The following ADAM18 variants were observed in gnomAD, a reference collection of about 807,000 sequenced individuals.
The protein encoded by ADAM18 is ADAM metallopeptidase domain 18.
In ADAM18, 117 loss-of-function variants were observed where a neutral mutation model predicts 94.4. The observed-to-expected ratio is 1.24, with a 90% confidence interval of 1.07 to 1.45. The LOEUF (loss-of-function observed/expected upper bound fraction) is 1.45. Among genes scored for constraint, ADAM18 ranks in the 40% most tolerant of loss-of-function variants. The pLI is 0.00. For synonymous variants in ADAM18, 327 were observed against 291.6 expected (o/e 1.12, Z -1.24); for missense variants, 936 against 880.0 (o/e 1.06, Z -0.81).
At chr8:39,638,435 C>T in intron 9 of ADAM18, 30 bp from the exon 10 acceptor site, 2 of 1,426,694 alleles carry the variant, frequency 1.4e-6, no homozygotes, top group South Asian at 1.4e-5. Context: ...TTTTGCATAA[C>T]TACGTTAATA....
chr8:39,711,119 A>G (rs1461435098), intron 18 of ADAM18, among the ~76,000 whole-genome samples: 1 of 152,188 alleles, frequency 6.6e-6, no homozygotes, highest in Non-Finnish European at 1.5e-5. Flanking sequence ...CTGTTTTCCA[A>G]AAAGTCACTG....
At chr8:39,622,103 A>G (rs751889071) in intron 6 of ADAM18, among the ~76,000 whole-genome samples, 1 of 152,134 alleles carries the variant, frequency 6.6e-6, no homozygotes, top group Non-Finnish European at 1.5e-5. Flanking sequence ...GGAGATTTTT[A>G]AAAAGTGTAT....
chr8:39,597,743 ATTGTG>A (rs1398834321), intron 2 of ADAM18, among the ~76,000 whole-genome samples: 1 of 151,988 alleles, frequency 6.6e-6, no homozygotes, highest in Non-Finnish European at 1.5e-5. Flanking sequence ...CTCTTTTAGT[ATTGTG>A]TTGTGTTGCC....
At chr8:39,594,447 T>C (rs1357462390) in intron 2 of ADAM18, among the ~76,000 whole-genome samples, 1 of 152,170 alleles carries the variant, frequency 6.6e-6, no homozygotes, top group Non-Finnish European at 1.5e-5. Flanking sequence ...CTTCCTCTTT[T>C]ATTTTTCCTT....
chr8:39,660,195 T>C (rs1443944878), intron 12 of ADAM18, among the ~76,000 whole-genome samples: 4 of 151,928 alleles, frequency 2.6e-5, no homozygotes, highest in Non-Finnish European at 4.4e-5. Flanking sequence ...GAACAAAAGA[T>C]CTACAAAACA....
At chr8:39,713,131 C>T (rs951362572) in intron 18 of ADAM18, among the ~76,000 whole-genome samples, 1 of 151,928 alleles carries the variant, frequency 6.6e-6, no homozygotes, top group Admixed American at 6.6e-5. Context: ...TCAGAAATAA[C>T]ACCACACATC....
Position 39,656,162 on chromosome 8 carries a change from C to A in ADAM18, c.1231-7633C>A, listed in dbSNP as rs553775729. Among the ~76,000 whole-genome samples the A allele has an allele frequency of 1.5e-4, 22 of 150,330 alleles. No individual in the cohort carries two copies. The East Asian group carries it at 3.9e-3, about 27-fold the overall frequency. ...GCTGATTTTCAAGTTTAAATGGAAA[C>A]ATGAAAGGCACAAAGCTAGCCAAGG... On this transcript the variant is annotated intron_variant, in intron 12 of 19. Coordinates refer to ENST00000265707, the MANE Select transcript of ADAM18 (RefSeq NM_014237.3).
chr8:39,609,197 T>C (rs1257603652), intron 4 of ADAM18, 77 bp downstream of exon 4: 2 of 1,029,906 alleles, frequency 1.9e-6, no homozygotes, highest in Admixed American at 5.3e-5. Context: ...GTTGACAGTT[T>C]AATACAAATG....
At chr8:39,701,138 A>G (rs941370512) in intron 17 of ADAM18, among the ~76,000 whole-genome samples, 2 of 145,944 alleles carry the variant, frequency 1.4e-5, no homozygotes, top group African/African-American at 5.1e-5. Flanking sequence ...AAAAAAAAAA[A>G]AAAAAAAAAA....
chr8:39,591,825 GCT>G (rs1818578054), intron 2 of ADAM18, among the ~76,000 whole-genome samples: 1 of 152,140 alleles, frequency 6.6e-6, no homozygotes, highest in South Asian at 2.1e-4. Context: ...ATTTATGGCA[GCT>G]ATAGCCTTAC....
At chr8:39,727,236 C>T (rs375389522) in intron 19 of ADAM18, among the ~76,000 whole-genome samples, 159 of 152,284 alleles carry the variant, frequency 1.0e-3, no homozygotes, top group African/African-American at 3.0e-3. Context: ...GATATTAGCA[C>T]TTGGCTCCTT....
intron 12 of ADAM18, among the ~76,000 whole-genome samples, chr8:39,653,073 T>C (rs1820581403): frequency 6.6e-6 from 1 of 152,090 alleles, no homozygotes; most frequent in Admixed American, 6.6e-5. Context: ...TTAAATGAGA[T>C]AGGAGGCATA....
chr8:39,590,816 G>C (rs990987469), intron 2 of ADAM18, among the ~76,000 whole-genome samples: 10 of 152,058 alleles, frequency 6.6e-5, no homozygotes, highest in Non-Finnish European at 1.3e-4. Flanking sequence ...TAGAACATAA[G>C]AGCAAGTCAC....
At position 39,594,284 on chromosome 8, in the gene ADAM18, A is replaced by G. The variant is rs141137894; in HGVS notation, c.132+8932A>G. ...GAGGAAATATTTAAGGCAATTATAA[A>G]TGGGCTAAAGTAAAGGAACACAAAG... On this transcript the variant is annotated intron_variant, in intron 2 of 19. Transcript: ENST00000265707. Among the ~76,000 whole-genome samples, 12 of 152,294 alleles carry G rather than the reference A, an allele frequency of 7.9e-5. No homozygotes were observed. The East Asian group carries it at 2.3e-3, about 29-fold the overall frequency.
intron 2 of ADAM18, among the ~76,000 whole-genome samples, chr8:39,591,680 T>G (rs956819162): frequency 2.6e-5 from 4 of 152,216 alleles, no homozygotes; most frequent in African/African-American, 9.6e-5. Flanking sequence ...GTAATTAACT[T>G]TTTCTGAATT....
intron 18 of ADAM18, among the ~76,000 whole-genome samples, chr8:39,718,452 G>A (rs1210203934): frequency 6.6e-6 from 1 of 151,616 alleles, no homozygotes; most frequent in East Asian, 1.9e-4. Context: ...GAAATAAGCT[G>A]TCAGAGAAAG....
Position 39,680,110 on chromosome 8 carries a change from G to A in ADAM18, c.1705G>A (p.Val569Ile), listed in dbSNP as rs773485008. 1 of 1,613,812 alleles carries A rather than the reference G, an allele frequency of 6.2e-7. No individual in the cohort carries two copies. The highest frequency in any genetic ancestry group is 8.5e-7 in the Non-Finnish European group (1 of 1,179,852). The change falls in exon 16 of 20, where the codon GTT becomes ATT. Residue 569 changes from valine (V) to isoleucine (I), a missense_variant. By Grantham distance (29) the Val-to-Ile change is conservative. Transcript: ENST00000265707. ...TAATAAAAGTGACGCTCAATCTACA[G>A]TTTATTCATATATTCAAGACCATGT... ...NANKSDAQSTVYSYIQDHVCV... is the reference protein window; with the variant it reads ...NANKSDAQSTIYSYIQDHVCV...
intron 12 of ADAM18, among the ~76,000 whole-genome samples, chr8:39,656,379 A>C (rs896286789): frequency 2.0e-5 from 3 of 152,268 alleles, no homozygotes; most frequent in East Asian, 3.9e-4. Context: ...AGAGGAATGC[A>C]GTGTAGAAAG....
chr8:39,656,885 C>T (rs1435262700), intron 12 of ADAM18, among the ~76,000 whole-genome samples: 2 of 151,868 alleles, frequency 1.3e-5, no homozygotes, highest in African/African-American at 2.4e-5. Context: ...ATCAGAATGG[C>T]GAAAAAGAAA....
Sources: gnomAD v4.1 joint callset for allele counts (sites outside exome capture counted in the v4.1 genomes callset) on GRCh38, gnomAD v4.1.1 for gene constraint, MANE v1.5 for transcripts, NCBI Gene and HGNC (gene_info 2026-07-23, HGNC 2026-07-21) for gene names.